DIAPH2: variants seen among roughly 807,000 people sequenced by gnomAD.
DIAPH2 encodes the protein protein diaphanous homolog 2.
Under a neutral mutation model 92.7 loss-of-function variants are expected in DIAPH2, and 35 were observed. The ratio of observed to expected loss-of-function variants is 0.38; its 90% CI spans 0.29 to 0.50. The LOEUF (loss-of-function observed/expected upper bound fraction) is 0.50. Among genes scored for constraint, DIAPH2 ranks in the 20% least tolerant of loss-of-function variants. DIAPH2 has a pLI of 0.94. For missense variants in DIAPH2, 701 were observed against 819.5 expected (o/e 0.86, Z 1.77); for synonymous variants, 301 against 280.4 (o/e 1.07, Z -0.73).
At chrX:97,112,262 A>G (rs778349814) in intron 20 of DIAPH2, among the ~76,000 whole-genome samples, 1 of 111,634 alleles carries the variant, frequency 9.0e-6, no homozygotes, top group South Asian at 3.8e-4. Context: ...CATGGCCCCT[A>G]TAAGCTCTGC....
chrX:96,812,188 C>T (rs1025760556), intron 4 of DIAPH2, among the ~76,000 whole-genome samples: 18 of 111,660 alleles, frequency 1.6e-4, no homozygotes, highest in African/African-American at 5.9e-4. Flanking sequence ...ATTATTGCCT[C>T]AATTTCAGAG....
intron 22 of DIAPH2, among the ~76,000 whole-genome samples, chrX:97,142,370 G>A (rs12857090): frequency 0.42 from 46,712 of 110,093 alleles, 8,174 homozygotes; most frequent in Non-Finnish European, 0.56. Context: ...TGGAAAAGAG[G>A]TTTGCTTTCC....
At position 97,548,874 on chromosome X, in the gene DIAPH2, C is replaced by CTTA. The variant is rs749768268; in HGVS notation, c.3242-50376_3242-50374dup. 2.4e-3 allele frequency among the ~76,000 whole-genome samples: 271 copies of CTTA among 111,930 alleles called. 1 individual carries two copies. The highest frequency in any genetic ancestry group is 8.2e-3 in the African/African-American group (252 of 30,874). On this transcript the variant is annotated intron_variant, in intron 26 of 26. Transcript: ENST00000324765. ...GAGACGTGTCCTAACAAAGTACTAA[C>CTTA]TTATTTGCAACTGATATAAAGTGAA...
rs1569436475 is a variant in DIAPH2 at position 96,962,340 on chromosome X, T to TATATATACAC, written c.1936-2746_1936-2745insCACATATATA. On this transcript the variant is annotated intron_variant, in intron 16 of 26. Coordinates refer to ENST00000324765, the MANE Select transcript of DIAPH2 (RefSeq NM_006729.5). ...ATATATATACACATATATATATACATATATATATATACACATATATATATA... is the reference window on the plus strand; with the variant it reads ...ATATATATACACATATATATATACATATATATACACATATATATATACACATATATATATA... 5.1e-5 allele frequency among the ~76,000 whole-genome samples: 2 copies of TATATATACAC among 39,563 alleles called. 1 individual carries two copies. Among genetic ancestry groups the TATATATACAC allele is most frequent in the Non-Finnish European group, 9.5e-5 (2 of 21,051 alleles). The allele number at this position is 39,563 out of a possible 115,157, so 34.4% of individuals were successfully genotyped here.
At chrX:97,088,434 T>C (rs1202976746) in intron 19 of DIAPH2, among the ~76,000 whole-genome samples, 1 of 112,507 alleles carries the variant, frequency 8.9e-6, no homozygotes, top group Admixed American at 9.4e-5. Flanking sequence ...TTCTGAGCTG[T>C]ATCATAAGCA....
chrX:96,966,491 T>C (rs987281883), intron 17 of DIAPH2, among the ~76,000 whole-genome samples: 3 of 112,444 alleles, frequency 2.7e-5, no homozygotes, highest in Middle Eastern at 4.6e-3. Flanking sequence ...ATTTTTCACA[T>C]TTTCTCCTAG....
intron 22 of DIAPH2, among the ~76,000 whole-genome samples, chrX:97,239,741 G>C (rs567744292): frequency 1.8e-5 from 2 of 110,302 alleles, no homozygotes; most frequent in South Asian, 8.0e-4. Context: ...CTGAGGCTGA[G>C]GCTGTGCAAA....
At chrX:97,327,822 C>T (rs898223859) in intron 23 of DIAPH2, among the ~76,000 whole-genome samples, 1 of 111,270 alleles carries the variant, frequency 9.0e-6, no homozygotes, top group Admixed American at 9.5e-5. Flanking sequence ...ATGATCTGCC[C>T]GTTTCTGCCT....
chrX:96,934,528 T>C (rs5920967), intron 10 of DIAPH2, among the ~76,000 whole-genome samples: 40,382 of 110,305 alleles, frequency 0.37, 6,379 homozygotes, highest in South Asian at 0.56. Context: ...ATCAACACTG[T>C]AGTAGAGTGA....
At chrX:97,315,408 G>A (rs2068832241) in intron 23 of DIAPH2, among the ~76,000 whole-genome samples, 1 of 111,739 alleles carries the variant, frequency 8.9e-6, no homozygotes, top group Admixed American at 9.6e-5. Context: ...CATTTTTACT[G>A]GAGATTAATG....
chrX:96,988,234 A>G (rs1330863970), intron 17 of DIAPH2, among the ~76,000 whole-genome samples: 1 of 110,360 alleles, frequency 9.1e-6, no homozygotes, highest in Non-Finnish European at 1.9e-5. Flanking sequence ...TAATTATATT[A>G]CTGTGAGTTT....
At chrX:97,050,777 T>C (rs1243816336) in intron 17 of DIAPH2, among the ~76,000 whole-genome samples, 1 of 111,469 alleles carries the variant, frequency 9.0e-6, no homozygotes, top group Non-Finnish European at 1.9e-5. Context: ...TTTGGAAAAG[T>C]TGGCATTTAT....
At chrX:96,731,424 C>T (rs189631380) in intron 1 of DIAPH2, among the ~76,000 whole-genome samples, 23 of 111,364 alleles carry the variant, frequency 2.1e-4, no homozygotes, top group African/African-American at 6.9e-4. Flanking sequence ...TCAAATAGTG[C>T]GAATACGTTT....
At chrX:97,588,911 CTG>C (rs1324392882) in intron 26 of DIAPH2, among the ~76,000 whole-genome samples, 3 of 99,662 alleles carry the variant, frequency 3.0e-5, no homozygotes, top group Non-Finnish European at 6.1e-5. Context: ...TAGCTAAAGA[CTG>C]AGAATTTAAC....
At chrX:97,120,736 C>T (rs1445004816) in intron 21 of DIAPH2, among the ~76,000 whole-genome samples, 1 of 107,278 alleles carries the variant, frequency 9.3e-6, no homozygotes, top group East Asian at 2.9e-4. Context: ...GATTGGACAC[C>T]CATGATCTAG....
chrX:97,185,294 C>CA (rs1306919184), intron 22 of DIAPH2, among the ~76,000 whole-genome samples: 5,528 of 13,757 alleles, frequency 0.4, 1,541 homozygotes, highest in East Asian at 0.56. Flanking sequence ...GACCCTGTCT[C>CA]AAAAAAAAAA....
At position 97,343,439 on chromosome X, in the gene DIAPH2, C is replaced by T. The variant is rs746940136; in HGVS notation, c.2845-4677C>T. ...ATCCCAGCACGTTGGGTGGCCCAGG[C>T]GGGTGGATCACCTGAGGTCAGGAGT... On this transcript the variant is annotated intron_variant, in intron 23 of 26. Transcript: ENST00000324765. Among the ~76,000 whole-genome samples, 6 of 111,527 alleles carry T rather than the reference C, an allele frequency of 5.4e-5. No individual in the cohort carries two copies. The East Asian group carries it at 8.5e-4, about 16-fold the overall frequency.
At chrX:97,592,983 A>G (rs1205451236) in intron 26 of DIAPH2, among the ~76,000 whole-genome samples, 1 of 112,207 alleles carries the variant, frequency 8.9e-6, no homozygotes, top group East Asian at 2.8e-4. Context: ...TAGTTTGCAC[A>G]TTATAATGTC....
chrX:97,367,870 T>C (rs1267307103), intron 24 of DIAPH2, among the ~76,000 whole-genome samples: 1 of 110,288 alleles, frequency 9.1e-6, no homozygotes, highest in Non-Finnish European at 1.9e-5. Context: ...GCCCAGCTAA[T>C]TTTTTTTGTA....
Sources: allele counts gnomAD v4.1 joint callset (sites outside exome capture counted in the v4.1 genomes callset), GRCh38; gene constraint gnomAD v4.1.1; transcripts MANE v1.5; gene names NCBI Gene and HGNC (gene_info 2026-07-23, HGNC 2026-07-21).